Variants in LZIC observed in about 807,000 individuals in gnomAD.
The protein encoded by LZIC is protein LZIC.
LZIC carries 28 observed loss-of-function variants against 25.4 expected under a neutral mutation model. The observed-to-expected ratio is 1.10, with a 90% confidence interval of 0.82 to 1.51. The LOEUF is 1.51. Among genes scored for constraint, LZIC ranks in the 40% most tolerant of loss-of-function variants. The probability of loss-of-function intolerance (pLI) is 0.00; values close to 1 mark genes in which losing one functional copy is unlikely to be tolerated. For synonymous variants in LZIC, 65 were observed against 70.7 expected (o/e 0.92, Z 0.40); for missense variants, 170 against 211.1 (o/e 0.81, Z 1.21).
In LZIC at chr1:9,939,373, C is replaced by CTTTTTT. The variant is rs371491173; in HGVS notation, c.-8-2752_-8-2747dup. ...CACCCCACTTGGCTTTTTTTTTTTT[C>CTTTTTT]TTTTTTTTTTGACACAGAGTATCGC... On this transcript the variant is annotated intron_variant, in intron 2 of 7. Transcript: ENST00000377223. Among the ~76,000 whole-genome samples the CTTTTTT allele has an allele frequency of 9.1e-3, 1,207 of 133,342 alleles. 43 individuals are homozygous for CTTTTTT. The highest frequency in any genetic ancestry group is 0.027 in the African/African-American group (981 of 36,746). The allele number at this position is 133,342 out of a possible 152,430, so 87.5% of individuals were successfully genotyped here.
At chr1:9,941,500 CT>C (rs1217006418) in intron 2 of LZIC, among the ~76,000 whole-genome samples, 302 of 132,412 alleles carry the variant, frequency 2.3e-3, no homozygotes, top group East Asian at 9.0e-3. Context: ...TAGCCTTTAC[CT>C]TTTTTTTTTT....
chr1:9,927,474 T>TC lies in LZIC; in HGVS notation c.*2924_*2925insG, dbSNP rs1346616738. Among the ~76,000 whole-genome samples, 1 of 151,070 alleles carries TC rather than the reference T, an allele frequency of 6.6e-6. No individual in the cohort carries two copies. Among genetic ancestry groups the TC allele is most frequent in the Non-Finnish European group, 1.5e-5 (1 of 67,768 alleles). On this transcript the variant is annotated 3_prime_UTR_variant, in exon 8 of 8. Transcript: ENST00000377223. ...ATGCCATCACGCCTGGCTAATTTTT[T>TC]TTTTTTTTTTAGAGACAGGGTTTCA... is the stretch of plus-strand genomic sequence containing the variant.
intron 5 of LZIC, among the ~76,000 whole-genome samples, chr1:9,934,556 G>T (rs560396746): frequency 6.6e-6 from 1 of 152,286 alleles, no homozygotes; most frequent in East Asian, 1.9e-4. Context: ...GGTAGAAGTG[G>T]TCAGTGGCAA....
Position 9,928,885 on chromosome 1 carries a change from A to G in LZIC, c.*1514T>C, listed in dbSNP as rs948933315. 1.4e-5 allele frequency: 2 copies of G among 147,004 alleles called. No homozygotes were observed. The highest frequency in any genetic ancestry group is 5.0e-5 in the African/African-American group (2 of 39,798). The allele number at this position is 147,004 out of a possible 1,614,324, so 9.1% of individuals were successfully genotyped here. A position where few individuals can be genotyped will look rare whatever the true frequency, so the allele number is the denominator to read the frequency against. ...CTGTCTCAAAAAAAAAAAAAAAAAG[A>G]AAAGAAAATATTATGCTAAGTGAAA... On this transcript the variant is annotated 3_prime_UTR_variant, in exon 8 of 8. Coordinates refer to ENST00000377223, the MANE Select transcript of LZIC (RefSeq NM_032368.5).
intron 2 of LZIC, among the ~76,000 whole-genome samples, chr1:9,940,241 A>G (rs1190686595): frequency 6.6e-6 from 1 of 151,412 alleles, no homozygotes; most frequent in Non-Finnish European, 1.5e-5. Flanking sequence ...CAGTGGAGCA[A>G]TCTCAGCTCA....
chr1:9,939,746 C>G (rs1433114512), intron 2 of LZIC, among the ~76,000 whole-genome samples: 1 of 151,954 alleles, frequency 6.6e-6, no homozygotes, highest in African/African-American at 2.4e-5. Flanking sequence ...TTTTCTCCTC[C>G]CCAAAATTCT....
downstream of LZIC, among the ~76,000 whole-genome samples, chr1:9,925,315 AAAACAAACAAGC>A (rs1377168690): frequency 3.9e-5 from 6 of 152,212 alleles, no homozygotes; most frequent in Non-Finnish European, 8.8e-5. Context: ...CTCCGTCTCA[AAAACAAACAAGC>A]AAACAAACAA....
rs1252543068 is a variant in LZIC at position 9,928,088 on chromosome 1, G to A, written c.*2311C>T. Among the ~76,000 whole-genome samples the A allele has an allele frequency of 2.6e-5, 4 of 152,084 alleles. No individual in the cohort carries two copies. Among genetic ancestry groups the A allele is most frequent in the Non-Finnish European group, 5.9e-5 (4 of 68,004 alleles). On this transcript the variant is annotated 3_prime_UTR_variant, in exon 8 of 8. Transcript: ENST00000377223. Reference sequence around the variant, plus strand: ...CCAGCACTCTGGGAGGTTGAGGCGGGTGGATCACCTAAGGTCAGGAGTTCG... The same window carrying A: ...CCAGCACTCTGGGAGGTTGAGGCGGATGGATCACCTAAGGTCAGGAGTTCG...
intron 4 of LZIC, among the ~76,000 whole-genome samples, 161 bp from the exon 5 acceptor site, chr1:9,935,021 C>T (rs1210269620): frequency 6.6e-6 from 1 of 151,992 alleles, no homozygotes; most frequent in Non-Finnish European, 1.5e-5. Context: ...GTTGTGTATG[C>T]ATAAACAGAC....
chr1:9,937,021 T>C (rs1220400), intron 2 of LZIC, among the ~76,000 whole-genome samples: 93,582 of 151,890 alleles, frequency 0.62, 32,692 homozygotes, highest in Non-Finnish European at 0.79. Context: ...CCCAGCACTT[T>C]TGGAAGCCGA....
intron 4 of LZIC, among the ~76,000 whole-genome samples, chr1:9,935,256 C>A (rs112934324): frequency 2.3e-4 from 35 of 152,228 alleles, no homozygotes; most frequent in African/African-American, 8.4e-4. Context: ...TGGAGAAACC[C>A]CGTCTCTACT....
At position 9,929,393 on chromosome 1, in the gene LZIC, T is replaced by C; in HGVS notation, c.*1006A>G. 2.0e-6 allele frequency: 2 copies of C among 985,220 alleles called. No individual in the cohort carries two copies. Among genetic ancestry groups the C allele is most frequent in the Non-Finnish European group, 2.4e-6 (2 of 829,774 alleles). 61.0% of individuals were successfully genotyped at this position (985,220 alleles called of 1,614,324 possible). On this transcript the variant is annotated 3_prime_UTR_variant, in exon 8 of 8. Coordinates refer to ENST00000377223, the MANE Select transcript of LZIC (RefSeq NM_032368.5). ...TAAAAAATAAGCTAATATACACGCA[T>C]AGGGACACATCTGCATATTTGAGCA...
rs867377658 is a variant in LZIC at position 9,932,107 on chromosome 1, G to T, written c.433-135C>A. On this transcript the variant is annotated intron_variant, in intron 6 of 7. Transcript: ENST00000377223. ...CCCTGCACTTTGGGAGGCGTGGGGG[G>T]GGGGGGGGGGTGGATCACATGAGGT... 130 of 332,432 alleles carry T rather than the reference G, an allele frequency of 3.9e-4. 3 individuals are homozygous for T. Among genetic ancestry groups the T allele is most frequent in the African/African-American group, 2.8e-3 (101 of 36,632 alleles). The allele number at this position is 332,432 out of a possible 1,614,324, so 20.6% of individuals were successfully genotyped here.
chr1:9,941,786 C>T lies in LZIC; in HGVS notation c.-9+838G>A, dbSNP rs780874324. 3.9e-5 allele frequency among the ~76,000 whole-genome samples: 6 copies of T among 152,302 alleles called. 1 individual carries two copies. Among genetic ancestry groups the T allele is most frequent in the Admixed American group, 1.3e-4 (2 of 15,292 alleles). Reference sequence around the variant, plus strand: ...TGCTGGGATTACAGGCGTGAGCCACCGCACCCGGCCTTTACCTTTTCTTTA... The same window carrying T: ...TGCTGGGATTACAGGCGTGAGCCACTGCACCCGGCCTTTACCTTTTCTTTA... On this transcript the variant is annotated intron_variant, in intron 2 of 7. Coordinates refer to ENST00000377223, the MANE Select transcript of LZIC (RefSeq NM_032368.5).
Position 9,929,933 on chromosome 1 carries a change from A to G in LZIC, c.*466T>C. On this transcript the variant is annotated 3_prime_UTR_variant, in exon 8 of 8. Transcript: ENST00000377223. ...GACCTCAGTTTCCTTGTTTGTAAAA[A>G]CAGAAATGATTTCTAAGATCACTCA... is the stretch of plus-strand genomic sequence containing the variant. 1.0e-6 allele frequency: 1 copy of G among 965,774 alleles called. No homozygotes were observed. Among genetic ancestry groups the G allele is most frequent in the Non-Finnish European group, 1.2e-6 (1 of 812,020 alleles). The allele number at this position is 965,774 out of a possible 1,614,324, so 59.8% of individuals were successfully genotyped here.
chr1:9,935,742 G>A, intron 3 of LZIC, 115 bp from the exon 4 acceptor site: 1 of 977,078 alleles, frequency 1.0e-6, no homozygotes, highest in Non-Finnish European at 1.5e-6. Context: ...TGCTGATGGT[G>A]AATGTGTTCA....
intron 2 of LZIC, among the ~76,000 whole-genome samples, chr1:9,941,056 T>TGAA (rs1640702858): frequency 6.6e-6 from 1 of 152,178 alleles, no homozygotes; most frequent in Admixed American, 6.6e-5. Context: ...TTTCTACCTA[T>TGAA]GAAGCCCAGT....
downstream of LZIC, chr1:9,922,307 T>G: frequency 1.0e-6 from 1 of 985,324 alleles, no homozygotes; most frequent in Non-Finnish European, 1.2e-6. Context: ...GACATCAATA[T>G]TTTTGCTGGG....
Position 9,929,513 on chromosome 1 carries a change from A to G in LZIC, c.*886T>C, listed in dbSNP as rs1352753538. On this transcript the variant is annotated 3_prime_UTR_variant, in exon 8 of 8. Coordinates refer to ENST00000377223, the MANE Select transcript of LZIC (RefSeq NM_032368.5). ...ACCTGAAGAGTAGATAACAGCTGAC[A>G]GTTACCCCCCTCTGAGTGTGACAAG... The G allele has an allele frequency of 5.1e-6, 5 of 983,810 alleles. No homozygotes were observed. The highest frequency in any genetic ancestry group is 6.0e-6 in the Non-Finnish European group (5 of 829,766). The allele number at this position is 983,810 out of a possible 1,614,324, so 60.9% of individuals were successfully genotyped here.
Sources: allele counts gnomAD v4.1 joint callset (sites outside exome capture counted in the v4.1 genomes callset), GRCh38; gene constraint gnomAD v4.1.1; transcripts MANE v1.5; gene names NCBI Gene and HGNC (gene_info 2026-07-23, HGNC 2026-07-21).